Variants in SLC16A14 observed in about 807,000 individuals in gnomAD.
The protein encoded by SLC16A14 is monocarboxylate transporter 14.
SLC16A14 carries 14 observed loss-of-function variants against 35.8 expected under a neutral mutation model. That is an observed-to-expected ratio of 0.39 (90% CI 0.26 to 0.61). The LOEUF (loss-of-function observed/expected upper bound fraction) is 0.61, where lower values mean the gene tolerates loss of function less well. SLC16A14 is among the 20% of genes least tolerant of loss of function. SLC16A14 has a pLI of 0.51. For missense variants in SLC16A14, 533 were observed against 655.0 expected, an observed-to-expected ratio of 0.81 and a Z score of 2.03; for synonymous variants, 248 against 258.9, an observed-to-expected ratio of 0.96 and a Z score of 0.40.
chr2:230,062,426 G>A (rs868866288), intron 1 of SLC16A14, among the ~76,000 whole-genome samples: 3 of 144,486 alleles, frequency 2.1e-5, no homozygotes, highest in African/African-American at 7.8e-5. Context: ...ATAGCTCACT[G>A]CAGCCTTGAA....
chr2:230,035,136 A>C lies in SLC16A14; in HGVS notation c.*2244T>G, dbSNP rs1577377934. The C allele has an allele frequency of 6.6e-6, 1 of 152,254 alleles. No individual in the cohort carries two copies. Among genetic ancestry groups the C allele is most frequent in the East Asian group, 1.9e-4 (1 of 5,198 alleles). The allele number at this position is 152,254 out of a possible 1,614,324, so 9.4% of individuals were successfully genotyped here. A position where few individuals can be genotyped will look rare whatever the true frequency, so the allele number is the denominator to read the frequency against. ...AACATAAACAGGAAATATTTGCAGTAATTCTTTACAGTATTCTCTTTTACT... is the reference window on the plus strand; with the variant it reads ...AACATAAACAGGAAATATTTGCAGTCATTCTTTACAGTATTCTCTTTTACT... On this transcript the variant is annotated 3_prime_UTR_variant, in exon 5 of 5. Transcript: ENST00000295190.
chr2:230,058,900 TG>T, intron 2 of SLC16A14, 193 bp downstream of exon 2: 1 of 727,010 alleles, frequency 1.4e-6, no homozygotes, highest in Non-Finnish European at 1.7e-6. Context: ...CCCAAAGTGC[TG>T]GGATTACAGG....
intron 2 of SLC16A14, among the ~76,000 whole-genome samples, chr2:230,056,786 C>A (rs1356825009): frequency 6.6e-6 from 1 of 150,968 alleles, no homozygotes; most frequent in Non-Finnish European, 1.5e-5. Context: ...GGGAGGATCG[C>A]TTGAGCCCAG....
chr2:230,044,368 C>T (rs1014003545), intron 4 of SLC16A14, among the ~76,000 whole-genome samples: 4 of 151,534 alleles, frequency 2.6e-5, no homozygotes, highest in Non-Finnish European at 4.4e-5. Context: ...ATCCCAGCTA[C>T]TCAGGAGGCT....
intron 1 of SLC16A14, among the ~76,000 whole-genome samples, chr2:230,065,259 A>G (rs573751116): frequency 2.0e-5 from 3 of 151,956 alleles, no homozygotes; most frequent in East Asian, 3.9e-4. Flanking sequence ...ATAGTAAAAA[A>G]GTTCTTTTTT....
chr2:230,063,706 A>C (rs1384063966), intron 1 of SLC16A14, among the ~76,000 whole-genome samples: 1 of 152,238 alleles, frequency 6.6e-6, no homozygotes, highest in Non-Finnish European at 1.5e-5. Context: ...ATAGGAAAAA[A>C]GACTGGAGCA....
chr2:230,054,089 G>A (rs888588802), intron 2 of SLC16A14, among the ~76,000 whole-genome samples: 1 of 151,414 alleles, frequency 6.6e-6, no homozygotes, highest in African/African-American at 2.4e-5. Context: ...CCTGAGGTGG[G>A]GGGGGAAGTT....
chr2:230,054,648 C>T (rs527324084), intron 2 of SLC16A14, among the ~76,000 whole-genome samples: 6 of 152,274 alleles, frequency 3.9e-5, no homozygotes, highest in Non-Finnish European at 5.9e-5. Context: ...TTCTGGGCAC[C>T]TCCCTACCCT....
chr2:230,046,468 C>G lies in SLC16A14; in HGVS notation c.658G>C (p.Asp220His). The G allele has an allele frequency of 1.2e-6, 2 of 1,614,116 alleles. No individual in the cohort carries two copies. The highest frequency in any genetic ancestry group is 1.1e-5 in the South Asian group (1 of 91,044). The stretch of plus-strand genomic sequence containing the variant: ...CCACGCACATCTTTCTCTCCTGGGT[C>G]GTTTGGGTTTTTACCAGGAGAGAGG... The part of the protein sequence containing the change: ...RPLSPGKNPN[D>H]PGEKDVRGLP... The change falls in exon 4 of 5, where the codon GAC (aspartate) becomes CAC (histidine). Residue 220 changes from aspartate to histidine, a missense_variant. By Grantham distance (81) the Asp-to-His change is moderately conservative (BLOSUM62 -1). Coordinates refer to ENST00000295190, the MANE Select transcript of SLC16A14 (RefSeq NM_152527.5). The surrounding 1 kb of genome is among the most constrained non-coding windows in gnomAD (Gnocchi z 5.0).
chr2:230,037,598 C>T (rs767881499), intron 4 of SLC16A14, 67 bp from the exon 5 acceptor site: 21 of 1,345,706 alleles, frequency 1.6e-5, no homozygotes, highest in Non-Finnish European at 2.1e-5. Flanking sequence ...GAACATGAAG[C>T]AGGCATTTAT....
chr2:230,060,316 A>G (rs1560481574), intron 1 of SLC16A14, among the ~76,000 whole-genome samples: 1 of 152,160 alleles, frequency 6.6e-6, no homozygotes, highest in Non-Finnish European at 1.5e-5. Context: ...GGGAGGCTAG[A>G]TGGAGCTAGA....
intron 4 of SLC16A14, 142 bp downstream of exon 4, chr2:230,045,603 T>G: frequency 1.1e-6 from 1 of 922,048 alleles, no homozygotes. Context: ...CTAAAATGTA[T>G]AAATGAGAAA....
chr2:230,037,579 G>T, intron 4 of SLC16A14, 48 bp from the exon 5 acceptor site: 1 of 1,453,380 alleles, frequency 6.9e-7, no homozygotes. Flanking sequence ...TTGATACAAT[G>T]AAAGTGAAGA....
intron 4 of SLC16A14, among the ~76,000 whole-genome samples, chr2:230,044,128 A>C (rs190677926): frequency 1.5e-3 from 234 of 152,184 alleles, no homozygotes; most frequent in African/African-American, 4.9e-3. Flanking sequence ...GGCTGGGGAG[A>C]TGAGCCTGGA....
Position 230,036,903 on chromosome 2 carries a change from TC to T in SLC16A14, c.*476del, listed in dbSNP as rs2106236410. 6.6e-6 allele frequency: 1 copy of T among 152,390 alleles called. No homozygotes were observed. The highest frequency in any genetic ancestry group is 2.1e-4 in the South Asian group (1 of 4,830). The allele number at this position is 152,390 out of a possible 1,614,324, so 9.4% of individuals were successfully genotyped here. A position where few individuals can be genotyped will look rare whatever the true frequency, so the allele number is the denominator to read the frequency against. On this transcript the variant is annotated 3_prime_UTR_variant, in exon 5 of 5. Coordinates refer to ENST00000295190, the MANE Select transcript of SLC16A14 (RefSeq NM_152527.5). ...TGTTTGATGCTAGTAGATCAATAGC[TC>T]CCTGTAATAATTAATTTCTGAAATC...
chr2:230,067,932 C>G (rs1321442424), intron 1 of SLC16A14: 1 of 152,222 alleles, frequency 6.6e-6, no homozygotes. Flanking sequence ...GCGCCCGCCC[C>G]CACCCGCGCT....
At chr2:230,059,588 A>G (rs1359570122) in intron 1 of SLC16A14, among the ~76,000 whole-genome samples, 1 of 152,164 alleles carries the variant, frequency 6.6e-6, no homozygotes, top group East Asian at 1.9e-4. Context: ...CATCACATAT[A>G]TAGGTATTAC....
Position 230,036,601 on chromosome 2 carries a change from G to C in SLC16A14, c.*779C>G, listed in dbSNP as rs1044215476. 2 of 152,172 alleles carry C rather than the reference G, an allele frequency of 1.3e-5. No individual in the cohort carries two copies. Among genetic ancestry groups the C allele is most frequent in the East Asian group, 3.8e-4 (2 of 5,202 alleles). 9.4% of individuals were successfully genotyped at this position (152,172 alleles called of 1,614,324 possible). ...ATATCATCTAAGAGGCCAATGATACGAATAAAAGTGCTTGAATTGTAGCCC... is the reference window on the plus strand; with the variant it reads ...ATATCATCTAAGAGGCCAATGATACCAATAAAAGTGCTTGAATTGTAGCCC... On this transcript the variant is annotated 3_prime_UTR_variant, in exon 5 of 5. Coordinates refer to ENST00000295190, the MANE Select transcript of SLC16A14 (RefSeq NM_152527.5).
chr2:230,054,152 A>G (rs1444779289), intron 2 of SLC16A14, among the ~76,000 whole-genome samples: 1 of 152,136 alleles, frequency 6.6e-6, no homozygotes, highest in Non-Finnish European at 1.5e-5. Context: ...TCACTGCTAT[A>G]AAGTGATTTA....
Sources: allele counts gnomAD v4.1 joint callset (sites outside exome capture counted in the v4.1 genomes callset), GRCh38; gene constraint gnomAD v4.1.1; non-coding constraint Gnocchi (gnomAD v3.1); transcripts MANE v1.5; gene names NCBI Gene and HGNC (gene_info 2026-07-23, HGNC 2026-07-21).